Variants in MFAP3L observed in about 807,000 individuals in gnomAD.
MFAP3L encodes the protein microfibrillar-associated protein 3-like.
Under a neutral mutation model 20.0 loss-of-function variants are expected in MFAP3L, and 5 were observed. The observed-to-expected ratio is 0.25, with a 90% CI of 0.13 to 0.53. The LOEUF (loss-of-function observed/expected upper bound fraction) is 0.53, where lower values mean the gene tolerates loss of function less well. Among genes scored for constraint, MFAP3L ranks in the 20% least tolerant of loss-of-function variants. The pLI, the probability that MFAP3L is intolerant of heterozygous loss-of-function variation, is 0.96. For synonymous variants in MFAP3L, 219 were observed against 213.0 expected (o/e 1.03, Z -0.25); for missense variants, 409 against 527.5 (o/e 0.78, Z 2.20).
chr4:170,008,954 C>A (rs995581526), intron 1 of MFAP3L, among the ~76,000 whole-genome samples: 24 of 152,166 alleles, frequency 1.6e-4, no homozygotes, highest in African/African-American at 5.3e-4. Context: ...TGGAATCCAA[C>A]GGCAATTATT....
chr4:170,006,115 C>CTT lies in MFAP3L; in HGVS notation c.-133-107_-133-106dup, dbSNP rs11383582. 2.5e-3 allele frequency: 1,517 copies of CTT among 603,602 alleles called. 9 individuals carry two copies. The highest frequency in any genetic ancestry group is 9.0e-3 in the East Asian group (167 of 18,596). 37.4% of individuals were successfully genotyped at this position (603,602 alleles called of 1,614,324 possible). A position where few individuals can be genotyped will look rare whatever the true frequency, so the allele number is the denominator to read the frequency against. On this transcript the variant is annotated intron_variant, in intron 1 of 2. Coordinates refer to ENST00000361618, the MANE Select transcript of MFAP3L (RefSeq NM_021647.8). Reference sequence around the variant, plus strand: ...CAGCTAAAATACAAACATCAACATACTTTTTTTTTTTTTTTGAGAGGGAGT... The same window carrying CTT: ...CAGCTAAAATACAAACATCAACATACTTTTTTTTTTTTTTTTTGAGAGGGAGT...
At chr4:170,017,139 T>C (rs1233912270) in intron 1 of MFAP3L, among the ~76,000 whole-genome samples, 1 of 152,198 alleles carries the variant, frequency 6.6e-6, no homozygotes, top group Non-Finnish European at 1.5e-5. Flanking sequence ...TTTGAAAAGA[T>C]GCACTCAATA....
chr4:169,991,344 T>C lies in MFAP3L; in HGVS notation c.*34A>G. 1 of 1,587,044 alleles carries C rather than the reference T, an allele frequency of 6.3e-7. No individual in the cohort carries two copies. Among genetic ancestry groups the C allele is most frequent in the Non-Finnish European group, 8.6e-7 (1 of 1,165,340 alleles). On this transcript the variant is annotated 3_prime_UTR_variant, in exon 3 of 3. Transcript: ENST00000361618. This position sits in a 1 kb window ranked among gnomAD's most constrained non-coding sequence, Gnocchi z 4.9. Reference sequence around the variant, plus strand: ...CTGTATTACAAGGAGCAGCCCCTGATTTTCTTGATATGCATAGCTTTTCGG... The same window carrying C: ...CTGTATTACAAGGAGCAGCCCCTGACTTTCTTGATATGCATAGCTTTTCGG...
chr4:170,010,427 C>A (rs1739302560), intron 1 of MFAP3L, among the ~76,000 whole-genome samples: 1 of 152,064 alleles, frequency 6.6e-6, no homozygotes, highest in South Asian at 2.1e-4. Context: ...CAGGTTTTTT[C>A]TTTTTTAACA....
At position 170,006,003 on chromosome 4, in the gene MFAP3L, G is replaced by A. The variant is rs1042129686; in HGVS notation, c.-126C>T. On this transcript the variant is annotated 5_prime_UTR_variant, in exon 2 of 3. Transcript: ENST00000361618. ...CTGGGTCCATAGAGTTGGTACTTGA[G>A]CAAGAACCTGTTTTTAAGAAAACAA... 2.1e-6 allele frequency: 3 copies of A among 1,437,730 alleles called. No homozygotes were observed. Among genetic ancestry groups the A allele is most frequent in the African/African-American group, 2.9e-5 (2 of 69,694 alleles). 89.1% of individuals were successfully genotyped at this position (1,437,730 alleles called of 1,614,324 possible).
intron 1 of MFAP3L, among the ~76,000 whole-genome samples, chr4:170,011,323 C>A (rs1204923335): frequency 6.6e-6 from 1 of 152,116 alleles, no homozygotes; most frequent in East Asian, 1.9e-4. Context: ...TTACTGCAGT[C>A]CAGAGTCAAA....
intron 1 of MFAP3L, among the ~76,000 whole-genome samples, chr4:170,008,117 C>T (rs903901817): frequency 3.9e-5 from 6 of 152,144 alleles, no homozygotes; most frequent in African/African-American, 9.7e-5. Flanking sequence ...GCTAGAAACA[C>T]AGCCAACTGT....
Position 169,997,800 on chromosome 4 carries a change from TTC to T in MFAP3L, c.299-5493_299-5492del, listed in dbSNP as rs1023092218. The T allele has an allele frequency of 4.1e-6, 4 of 965,658 alleles. No homozygotes were observed. The African/African-American group carries it at 8.9e-5, about 21-fold the overall frequency. The allele number at this position is 965,658 out of a possible 1,614,324, so 59.8% of individuals were successfully genotyped here. On this transcript the variant is annotated intron_variant, in intron 2 of 2. Coordinates refer to ENST00000361618, the MANE Select transcript of MFAP3L (RefSeq NM_021647.8). ...GCCCAGCTCGGCCTCCTTTCATTAATTCTTTTTTTTTTTTTTTTAATATTGCT... is the reference window on the plus strand; with the variant it reads ...GCCCAGCTCGGCCTCCTTTCATTAATTTTTTTTTTTTTTTTTAATATTGCT...
At chr4:170,011,274 G>C (rs1020502436) in intron 1 of MFAP3L, among the ~76,000 whole-genome samples, 1 of 152,064 alleles carries the variant, frequency 6.6e-6, no homozygotes, top group Non-Finnish European at 1.5e-5. Context: ...TAAAGTCAAG[G>C]GCCAAGAAAT....
Position 169,989,560 on chromosome 4 carries a change from T to C in MFAP3L, c.*1818A>G, listed in dbSNP as rs1737511759. 6.6e-6 allele frequency: 1 copy of C among 152,234 alleles called. No individual in the cohort carries two copies. The highest frequency in any genetic ancestry group is 2.1e-4 in the South Asian group (1 of 4,834). The allele number at this position is 152,234 out of a possible 1,614,324, so 9.4% of individuals were successfully genotyped here. ...TAAATGTTTCAACTAGAAGGGATCC[T>C]GTAGACCCTCGAGTACTACCTGCAT... On this transcript the variant is annotated 3_prime_UTR_variant, in exon 3 of 3. Transcript: ENST00000361618.
Position 169,989,004 on chromosome 4 carries a change from G to A in MFAP3L, c.*2374C>T, listed in dbSNP as rs1737469845. 6.6e-6 allele frequency: 1 copy of A among 152,134 alleles called. No homozygotes were observed. The highest frequency in any genetic ancestry group is 6.5e-5 in the Admixed American group (1 of 15,280). 9.4% of individuals were successfully genotyped at this position (152,134 alleles called of 1,614,324 possible). The stretch of plus-strand genomic sequence containing the variant: ...ACCTACACATGGGTTTGGGTGGAAT[G>A]ACAACTGAATAGGATGGGGTAACAT... On this transcript the variant is annotated 3_prime_UTR_variant, in exon 3 of 3. Coordinates refer to ENST00000361618, the MANE Select transcript of MFAP3L (RefSeq NM_021647.8).
At chr4:170,023,651 C>T (rs556547300) in intron 1 of MFAP3L, among the ~76,000 whole-genome samples, 19 of 152,270 alleles carry the variant, frequency 1.2e-4, no homozygotes, top group African/African-American at 4.3e-4. Context: ...CAAGTCACAC[C>T]CTAAGTGCTG....
In MFAP3L at chr4:169,991,745, G is replaced by A. The variant is rs766593294; in HGVS notation, c.863C>T (p.Thr288Ile). The change falls in exon 3 of 3, where the codon ACA becomes ATA. Residue 288 changes from threonine (T) to isoleucine (I), a missense_variant. Physicochemically the swap from Thr to Ile is moderately conservative, Grantham distance 89 (BLOSUM62 -1). Coordinates refer to ENST00000361618, the MANE Select transcript of MFAP3L (RefSeq NM_021647.8). This position sits in a 1 kb window ranked among gnomAD's most constrained non-coding sequence, Gnocchi z 4.9. ...GCTCCGCTTCAGAGAGTTGGGGATTGTGTAGACCTCATCCCTGTCTGCGGC... is the reference window on the plus strand; with the variant it reads ...GCTCCGCTTCAGAGAGTTGGGGATTATGTAGACCTCATCCCTGTCTGCGGC... ...QEAADRDEVY[T>I]IPNSLKRSDS... The A allele has an allele frequency of 6.2e-7, 1 of 1,614,124 alleles. No homozygotes were observed. The highest frequency in any genetic ancestry group is 8.5e-7 in the Non-Finnish European group (1 of 1,180,016).
intron 1 of MFAP3L, 60 bp from the exon 2 acceptor site, chr4:170,006,070 A>G: frequency 1.6e-6 from 2 of 1,284,328 alleles, no homozygotes; most frequent in South Asian, 3.5e-5. Context: ...CATTCAAAAC[A>G]CTATAAACGG....
rs1329512084 is a variant in MFAP3L, at chr4:169,991,488, T to C, written c.1120A>G (p.Thr374Ala). 3 of 1,614,172 alleles carry C rather than the reference T, an allele frequency of 1.9e-6. No individual in the cohort carries two copies. The highest frequency in any genetic ancestry group is 1.1e-5 in the South Asian group (1 of 91,076). Residue 374 changes from threonine (T) to alanine (A), a missense_variant, in exon 3 of 3, where the codon ACA (threonine) becomes GCA (alanine). By Grantham distance (58) the Thr-to-Ala change is moderately conservative. Transcript: ENST00000361618. This position sits in a 1 kb window ranked among gnomAD's most constrained non-coding sequence, Gnocchi z 4.9. ...TSTELTSEEP[T>A]PVEVPDKVLP... Reference sequence around the variant, plus strand: ...ACCTTATCTGGTACCTCAACAGGTGTTGGCTCTTCAGATGTTAGCTCGGTG... The same window carrying C: ...ACCTTATCTGGTACCTCAACAGGTGCTGGCTCTTCAGATGTTAGCTCGGTG...
intron 1 of MFAP3L, among the ~76,000 whole-genome samples, chr4:170,025,892 G>A (rs1015310534): frequency 6.6e-6 from 1 of 152,190 alleles, no homozygotes; most frequent in African/African-American, 2.4e-5. Context: ...AGCCCCCACG[G>A]CTGTTCGGCG....
chr4:170,011,002 G>A (rs1432824168), intron 1 of MFAP3L, among the ~76,000 whole-genome samples: 1 of 152,178 alleles, frequency 6.6e-6, no homozygotes, highest in Non-Finnish European at 1.5e-5. Flanking sequence ...CATGGGGGTG[G>A]TTTCCACCAT....
chr4:169,995,348 T>C (rs1192504501), intron 2 of MFAP3L, among the ~76,000 whole-genome samples: 1 of 152,188 alleles, frequency 6.6e-6, no homozygotes, highest in Non-Finnish European at 1.5e-5. Flanking sequence ...TAAAGGCCAG[T>C]ATATTAATTC....
upstream of MFAP3L, chr4:170,026,408 G>T: frequency 2.0e-6 from 1 of 509,244 alleles, no homozygotes; most frequent in Non-Finnish European, 2.5e-6. Flanking sequence ...CGGGAGCGCG[G>T]AGCTTCCCAC....
Sources: gnomAD v4.1 joint callset for allele counts (sites outside exome capture counted in the v4.1 genomes callset) on GRCh38, gnomAD v4.1.1 for gene constraint, Gnocchi (gnomAD v3.1) non-coding constraint, MANE v1.5 for transcripts, NCBI Gene and HGNC (gene_info 2026-07-23, HGNC 2026-07-21) for gene names.